TRNT1: variants seen among roughly 807,000 people sequenced by gnomAD.
TRNT1 encodes the protein tRNA nucleotidyl transferase 1.
Under a neutral mutation model 45.6 loss-of-function variants are expected in TRNT1, and 44 were observed. The ratio of observed to expected loss-of-function variants is 0.97; its 90% CI spans 0.76 to 1.24. TRNT1 has a LOEUF of 1.24. Ranked by LOEUF, TRNT1 falls within the 50% of genes most tolerant of loss-of-function variation. The probability of loss-of-function intolerance (pLI) is 0.00; values close to 1 mark genes in which losing one functional copy is unlikely to be tolerated. For synonymous variants in TRNT1, 201 were observed against 171.4 expected, an observed-to-expected ratio of 1.17 and a Z score of -1.35; for missense variants, 633 against 504.4, an observed-to-expected ratio of 1.25 and a Z score of -2.44.
chr3:3,147,629 A>G lies in TRNT1; in HGVS notation c.982A>G (p.Lys328Glu), dbSNP rs747469885. The G allele has an allele frequency of 3.5e-5, 56 of 1,613,660 alleles. No individual in the cohort carries two copies. The South Asian group carries it at 5.9e-4, about 17-fold the overall frequency. Reference sequence around the variant, plus strand: ...GAAAAACCTTGGCTTATTTATAGTTAAAAATAGGAAAGATTTAATTAAAGC... The same window carrying G: ...GAAAAACCTTGGCTTATTTATAGTTGAAAATAGGAAAGATTTAATTAAAGC... ...EEKNLGLFIV[K>E]NRKDLIKATD... Residue 328 changes from lysine (K) to glutamate (E), a missense_variant, in exon 7 of 8, where the codon AAA becomes GAA. Lys to Glu is a moderately conservative substitution (Grantham distance 56, BLOSUM62 1). Coordinates refer to ENST00000251607, the MANE Select transcript of TRNT1 (RefSeq NM_182916.3).
rs1481640746 is a variant in TRNT1 at position 3,136,619 on chromosome 3, A to G, written c.149-641A>G. On this transcript the variant is annotated intron_variant, in intron 2 of 7. Coordinates refer to ENST00000251607, the MANE Select transcript of TRNT1 (RefSeq NM_182916.3). ...TCTAAAGTATGCACATAAATGGGGAAAAGAAAGCAGAATTGTTTGATTTAC... is the reference window on the plus strand; with the variant it reads ...TCTAAAGTATGCACATAAATGGGGAGAAGAAAGCAGAATTGTTTGATTTAC... The G allele has an allele frequency of 2.1e-5, 9 of 435,026 alleles. No individual in the cohort carries two copies. In the East Asian group the frequency reaches 4.2e-4, roughly 20 times the overall value. The allele number at this position is 435,026 out of a possible 1,614,324, so 26.9% of individuals were successfully genotyped here.
intron 5 of TRNT1, among the ~76,000 whole-genome samples, chr3:3,145,988 A>G (rs1387296739): frequency 1.8e-5 from 2 of 112,536 alleles, no homozygotes; most frequent in Non-Finnish European, 4.0e-5. Flanking sequence ...GAAAGTACTA[A>G]TGTGTACAGA....
chr3:3,128,051 G>T (rs888869203), intron 1 of TRNT1: 14 of 152,190 alleles, frequency 9.2e-5, no homozygotes, highest in African/African-American at 3.4e-4. Context: ...AGTGTGCATT[G>T]ATCTAAAGAT....
chr3:3,152,361 A>G (rs1337808717), downstream of TRNT1: 7 of 1,315,920 alleles, frequency 5.3e-6, no homozygotes, highest in Non-Finnish European at 7.5e-6. Context: ...ACTTTTTATT[A>G]TAAAGATTGT....
chr3:3,133,004 T>G (rs1479778994), intron 2 of TRNT1, among the ~76,000 whole-genome samples: 1 of 152,174 alleles, frequency 6.6e-6, no homozygotes, highest in Non-Finnish European at 1.5e-5. Context: ...AATGTAATGT[T>G]CTGTATAAAA....
In TRNT1 at chr3:3,147,284, A is replaced by G. The variant is rs139014639; in HGVS notation, c.803-166A>G. 7.6e-3 allele frequency among the ~76,000 whole-genome samples: 1,154 copies of G among 152,300 alleles called. 12 individuals carry two copies. The highest frequency in any genetic ancestry group is 0.026 in the African/African-American group (1,084 of 41,558). ...TTTTGAAGGTGACAGGGGAGAGAAT[A>G]ACAATATATTAGTGGTTCGCCTTTA... On this transcript the variant is annotated intron_variant, in intron 6 of 7. Coordinates refer to ENST00000251607, the MANE Select transcript of TRNT1 (RefSeq NM_182916.3).
At chr3:3,130,110 C>T in intron 2 of TRNT1, 2 of 734,164 alleles carry the variant, frequency 2.7e-6, no homozygotes, top group African/African-American at 1.8e-5. Flanking sequence ...AGCAGCCACA[C>T]AGTAGCATTA....
At chr3:3,144,929 T>A (rs1245499106) in intron 5 of TRNT1, 1 of 269,618 alleles carries the variant, frequency 3.7e-6, no homozygotes, top group South Asian at 1.0e-4. Flanking sequence ...TTATGTCATC[T>A]TTCCTACAAT....
chr3:3,137,783 C>A (rs987677376), intron 3 of TRNT1, among the ~76,000 whole-genome samples: 1 of 152,198 alleles, frequency 6.6e-6, no homozygotes, highest in Non-Finnish European at 1.5e-5. Flanking sequence ...ACGTATAATT[C>A]TCCTTCTTCT....
intron 2 of TRNT1, chr3:3,130,375 T>C (rs971390482): frequency 5.9e-6 from 1 of 169,264 alleles, no homozygotes; most frequent in African/African-American, 2.4e-5. Context: ...ATGACTCACC[T>C]TGTATTAGCT....
At chr3:3,132,743 AACAC>A (rs1491238691) in intron 2 of TRNT1, among the ~76,000 whole-genome samples, 2 of 127,626 alleles carry the variant, frequency 1.6e-5, no homozygotes, top group Admixed American at 8.1e-5. Flanking sequence ...AAAAAAAAAA[AACAC>A]AAAAAAAAAA....
chr3:3,136,152 G>A (rs983120527), intron 2 of TRNT1, among the ~76,000 whole-genome samples: 1 of 152,090 alleles, frequency 6.6e-6, no homozygotes, highest in East Asian at 1.9e-4. Flanking sequence ...TTCATGTTTC[G>A]TGTATGTTTA....
rs1468873660 is a variant in TRNT1, at chr3:3,137,432, G to A, written c.321G>A (p.Lys107=). ...GGATGATAAACAACAGAGGAGAAAAGCACGGAACAATTACTGCCAGGGTGA... is the reference window on the plus strand; with the variant it reads ...GGATGATAAACAACAGAGGAGAAAAACACGGAACAATTACTGCCAGGGTGA... The part of the protein sequence containing the change: ...GIRMINNRGE[K]HGTITARLHE... The change falls in exon 3 of 8, where the codon AAG becomes AAA. Residue 107 remains lysine (K), a synonymous_variant. Coordinates refer to ENST00000251607, the MANE Select transcript of TRNT1 (RefSeq NM_182916.3). The A allele has an allele frequency of 1.2e-6, 2 of 1,610,898 alleles. No homozygotes were observed. The highest frequency in any genetic ancestry group is 8.5e-7 in the Non-Finnish European group (1 of 1,178,960).
chr3:3,135,861 A>G (rs1171053665), intron 2 of TRNT1, among the ~76,000 whole-genome samples: 1 of 152,214 alleles, frequency 6.6e-6, no homozygotes, highest in Non-Finnish European at 1.5e-5. Context: ...ATGCTGAGTG[A>G]GGAGTAGCAT....
At chr3:3,128,725 G>T (rs334774) in intron 1 of TRNT1, among the ~76,000 whole-genome samples, 2 of 151,848 alleles carry the variant, frequency 1.3e-5, no homozygotes, top group Non-Finnish European at 2.9e-5. Flanking sequence ...GGCACTGGCT[G>T]GCTCTTTCAG....
At chr3:3,129,609 G>A (rs976652597) in intron 2 of TRNT1, 1 of 517,148 alleles carries the variant, frequency 1.9e-6, no homozygotes, top group African/African-American at 1.9e-5. Flanking sequence ...TATTAAAAGA[G>A]AAAGGCTTAC....
At chr3:3,130,027 G>GGGCC (rs1704906714) in intron 2 of TRNT1, 19 of 598,886 alleles carry the variant, frequency 3.2e-5, no homozygotes, top group Non-Finnish European at 4.2e-5. Context: ...CTTTAGCTAA[G>GGGCC]TGCCAGTAGC....
chr3:3,152,435 C>T, downstream of TRNT1: 1 of 1,589,300 alleles, frequency 6.3e-7, no homozygotes, highest in Non-Finnish European at 8.5e-7. Context: ...AAAAAAAAAG[C>T]AACCACCACC....
At chr3:3,147,290 A>ATATT (rs1706105333) in intron 6 of TRNT1, among the ~76,000 whole-genome samples, 160 bp from the exon 7 acceptor site, 1 of 152,170 alleles carries the variant, frequency 6.6e-6, no homozygotes, top group Non-Finnish European at 1.5e-5. Context: ...GAATAACAAT[A>ATATT]TATTAGTGGT....
Sources: gnomAD v4.1 joint callset for allele counts (sites outside exome capture counted in the v4.1 genomes callset) on GRCh38, gnomAD v4.1.1 for gene constraint, MANE v1.5 for transcripts, NCBI Gene and HGNC (gene_info 2026-07-23, HGNC 2026-07-21) for gene names.